The following IL1RAPL1 variants were observed in gnomAD, a reference collection of about 807,000 sequenced individuals.
The protein encoded by IL1RAPL1 is interleukin 1 receptor accessory protein like 1.
IL1RAPL1 carries 3 observed loss-of-function variants against 48.4 expected under a neutral mutation model. The observed-to-expected ratio is 0.06, with a 90% confidence interval of 0.03 to 0.16. The LOEUF (loss-of-function observed/expected upper bound fraction) is 0.16, where lower values mean the gene tolerates loss of function less well. Ranked by LOEUF, IL1RAPL1 falls within the 10% of genes least tolerant of loss-of-function variation. The pLI is 1.00. For synonymous variants in IL1RAPL1, 185 were observed against 187.7 expected (o/e 0.99, Z 0.12); for missense variants, 349 against 530.6 (o/e 0.66, Z 3.36).
chrX:28,746,425 C>T (rs751505649), intron 1 of IL1RAPL1, among the ~76,000 whole-genome samples: 20 of 111,491 alleles, frequency 1.8e-4, no homozygotes, highest in Non-Finnish European at 3.2e-4. Context: ...AGGTGGAGTT[C>T]ATGGACAATA....
At chrX:28,867,261 T>C (rs1187736924) in intron 2 of IL1RAPL1, among the ~76,000 whole-genome samples, 1 of 111,900 alleles carries the variant, frequency 8.9e-6, no homozygotes, top group Admixed American at 9.5e-5. Flanking sequence ...ACAGGTAATC[T>C]AGAGGAATAG....
At chrX:29,652,761 AAAAC>A (rs1234669499) in intron 5 of IL1RAPL1, among the ~76,000 whole-genome samples, 1 of 111,940 alleles carries the variant, frequency 8.9e-6, no homozygotes, top group Non-Finnish European at 1.9e-5. Context: ...ATAAGGGAGT[AAAAC>A]AAAGATCATT....
chrX:29,252,434 G>C (rs1398949157), intron 2 of IL1RAPL1, among the ~76,000 whole-genome samples: 2 of 113,973 alleles, frequency 1.8e-5, no homozygotes, highest in East Asian at 2.7e-4. Context: ...TTGTATGTCT[G>C]GTTAAATACA....
chrX:28,782,927 T>G (rs1936438475), intron 1 of IL1RAPL1, among the ~76,000 whole-genome samples: 1 of 112,001 alleles, frequency 8.9e-6, no homozygotes. Context: ...TCATTGCTCT[T>G]TTTTTTCTTA....
At chrX:29,652,298 T>C (rs1925544926) in intron 5 of IL1RAPL1, among the ~76,000 whole-genome samples, 1 of 111,902 alleles carries the variant, frequency 8.9e-6, no homozygotes, top group African/African-American at 3.2e-5. Flanking sequence ...AAAGTTACAA[T>C]CTGGCCTCTT....
At chrX:29,781,478 C>G (rs1376825831) in intron 6 of IL1RAPL1, among the ~76,000 whole-genome samples, 1 of 112,056 alleles carries the variant, frequency 8.9e-6, no homozygotes, top group Non-Finnish European at 1.9e-5. Context: ...CTAAATAAAT[C>G]ATATGACTAC....
At chrX:29,521,336 G>A (rs1935500830) in intron 5 of IL1RAPL1, among the ~76,000 whole-genome samples, 2 of 111,780 alleles carry the variant, frequency 1.8e-5, no homozygotes, top group Admixed American at 9.5e-5. Context: ...CCAAATTGCT[G>A]GGATGAGCCA....
chrX:29,874,949 T>C (rs1931872484), intron 6 of IL1RAPL1, among the ~76,000 whole-genome samples: 1 of 112,154 alleles, frequency 8.9e-6, no homozygotes, highest in African/African-American at 3.2e-5. Flanking sequence ...TCCTTTCCAT[T>C]GTTTCTGTTA....
rs1326099870 is a variant in IL1RAPL1, at chrX:28,587,476, TA to T, written c.-595del. 1 of 109,460 alleles carries T rather than the reference TA, an allele frequency of 9.1e-6. No homozygotes were observed. The highest frequency in any genetic ancestry group is 1.9e-5 in the Non-Finnish European group (1 of 52,697). The allele number at this position is 109,460 out of a possible 1,213,427, so 9.0% of individuals were successfully genotyped here. On this transcript the variant is annotated 5_prime_UTR_variant, in exon 1 of 11. Transcript: ENST00000378993. ...ACAAGGAAAACCCCGTCGGATCTGT[TA>T]TTGCGGGATACTTGTGAAATATACA...
intron 1 of IL1RAPL1, among the ~76,000 whole-genome samples, chrX:28,751,432 C>T (rs763344281): frequency 7.2e-5 from 8 of 111,319 alleles, no homozygotes; most frequent in African/African-American, 9.8e-5. Context: ...CATCAATTTC[C>T]GAAAAATTTC....
intron 2 of IL1RAPL1, among the ~76,000 whole-genome samples, chrX:28,987,881 C>T (rs1434956019): frequency 8.9e-6 from 1 of 111,895 alleles, no homozygotes; most frequent in Non-Finnish European, 1.9e-5. Context: ...CTATTTGGCT[C>T]AGCTTAATTA....
chrX:29,527,895 G>A (rs1170537319), intron 5 of IL1RAPL1, among the ~76,000 whole-genome samples: 2 of 111,555 alleles, frequency 1.8e-5, no homozygotes, highest in Non-Finnish European at 3.8e-5. Flanking sequence ...TGATCCTTAA[G>A]CATATGAGAA....
intron 2 of IL1RAPL1, among the ~76,000 whole-genome samples, chrX:28,913,291 T>C (rs891694544): frequency 1.8e-5 from 2 of 112,105 alleles, no homozygotes; most frequent in African/African-American, 6.5e-5. Flanking sequence ...TGTCTATCCT[T>C]GTAAATTCTT....
intron 6 of IL1RAPL1, among the ~76,000 whole-genome samples, chrX:29,818,259 T>G (rs1930537953): frequency 8.9e-6 from 1 of 112,506 alleles, no homozygotes; most frequent in Non-Finnish European, 1.9e-5. Context: ...TGAGAGCCCC[T>G]GTGGCCCACT....
chrX:29,802,167 T>A (rs1929925037), intron 6 of IL1RAPL1, among the ~76,000 whole-genome samples: 1 of 111,876 alleles, frequency 8.9e-6, no homozygotes, highest in Non-Finnish European at 1.9e-5. Flanking sequence ...TGTGCATCAT[T>A]GGGGAAAAAA....
At chrX:28,712,818 A>G (rs1362585955) in intron 1 of IL1RAPL1, among the ~76,000 whole-genome samples, 1 of 110,693 alleles carries the variant, frequency 9.0e-6, no homozygotes, top group Non-Finnish European at 1.9e-5. Flanking sequence ...GTATTGTTTG[A>G]GGCTATTTTT....
At chrX:29,637,773 C>T (rs1191756762) in intron 5 of IL1RAPL1, among the ~76,000 whole-genome samples, 2 of 111,765 alleles carry the variant, frequency 1.8e-5, no homozygotes, top group African/African-American at 3.3e-5. Context: ...TATCTCTCCA[C>T]AGCACCTGAT....
At chrX:29,067,921 T>C (rs1481368620) in intron 2 of IL1RAPL1, among the ~76,000 whole-genome samples, 2 of 111,898 alleles carry the variant, frequency 1.8e-5, no homozygotes, top group Non-Finnish European at 3.8e-5. Context: ...TCAGTAGAAA[T>C]TTGAGTTCTA....
At chrX:29,118,602 G>C (rs2147475247) in intron 2 of IL1RAPL1, among the ~76,000 whole-genome samples, 1 of 111,450 alleles carries the variant, frequency 9.0e-6, no homozygotes, top group East Asian at 2.8e-4. Flanking sequence ...CTTATCTGAT[G>C]ACATCTTAAG....
Sources: gnomAD v4.1 joint callset for allele counts (sites outside exome capture counted in the v4.1 genomes callset) on GRCh38, gnomAD v4.1.1 for gene constraint, MANE v1.5 for transcripts, NCBI Gene and HGNC (gene_info 2026-07-23, HGNC 2026-07-21) for gene names.